The following DMRT1 variants were observed in gnomAD, a reference collection of about 807,000 sequenced individuals.
DMRT1 encodes the protein doublesex and mab-3 related transcription factor 1.
DMRT1 carries 7 observed loss-of-function variants against 32.3 expected under a neutral mutation model. The observed-to-expected ratio is 0.22, with a 90% CI of 0.12 to 0.41. The LOEUF (loss-of-function observed/expected upper bound fraction) is 0.41, where lower values mean the gene tolerates loss of function less well. Among genes scored for constraint, DMRT1 ranks in the 10% least tolerant of loss-of-function variants. DMRT1 has a pLI of 1.00. For missense variants in DMRT1, 625 were observed against 500.5 expected, an observed-to-expected ratio of 1.25 and a Z score of -2.37; for synonymous variants, 278 against 206.1, an observed-to-expected ratio of 1.35 and a Z score of -2.99.
chr9:859,301 G>A (rs545026786), intron 2 of DMRT1, among the ~76,000 whole-genome samples: 1 of 152,258 alleles, frequency 6.6e-6, no homozygotes, highest in Admixed American at 6.5e-5. Flanking sequence ...GGTTTATAGG[G>A]AACGGATGCA....
At chr9:876,869 C>A (rs1373950559) in intron 2 of DMRT1, among the ~76,000 whole-genome samples, 1 of 152,106 alleles carries the variant, frequency 6.6e-6, no homozygotes, top group Non-Finnish European at 1.5e-5. Context: ...GACTCCACGG[C>A]TCCCTTTTCC....
chr9:858,835 T>C (rs1248892514), intron 2 of DMRT1, among the ~76,000 whole-genome samples: 2 of 135,060 alleles, frequency 1.5e-5, no homozygotes, highest in South Asian at 2.6e-4. Context: ...GATCGCGCCA[T>C]TGCACTCCAG....
chr9:931,457 G>A (rs544064954), intron 4 of DMRT1, among the ~76,000 whole-genome samples: 1 of 152,164 alleles, frequency 6.6e-6, no homozygotes, highest in Non-Finnish European at 1.5e-5. Flanking sequence ...TTCCCGTTTT[G>A]TGCTAATACT....
intron 4 of DMRT1, among the ~76,000 whole-genome samples, chr9:917,405 T>A (rs1366963100): frequency 6.6e-6 from 1 of 152,198 alleles, no homozygotes; most frequent in Non-Finnish European, 1.5e-5. Context: ...ATATAATGGC[T>A]TTGAAATAAA....
chr9:916,032 C>CT (rs1818168891), intron 3 of DMRT1, among the ~76,000 whole-genome samples: 1 of 152,166 alleles, frequency 6.6e-6, no homozygotes. Context: ...TGCGTCCAGC[C>CT]TATAGTCATT....
intron 4 of DMRT1, among the ~76,000 whole-genome samples, chr9:929,265 C>G (rs1334862013): frequency 1.3e-5 from 2 of 152,102 alleles, no homozygotes; most frequent in African/African-American, 2.4e-5. Flanking sequence ...AGTACCTTCT[C>G]TAAGCATGTT....
At position 965,241 on chromosome 9, in the gene DMRT1, C is replaced by G. The variant is rs944676846; in HGVS notation, c.968-2744C>G. ...ATACTTAAACAGATACTATCCCTAA[C>G]TTCAACAGCCTATTATTTAAAAACA... On this transcript the variant is annotated intron_variant, in intron 4 of 4. Coordinates refer to ENST00000382276, the MANE Select transcript of DMRT1 (RefSeq NM_021951.3). This position sits in a 1 kb window ranked among gnomAD's most constrained non-coding sequence, Gnocchi z 4.5. Among the ~76,000 whole-genome samples, 3 of 152,216 alleles carry G rather than the reference C, an allele frequency of 2.0e-5. No individual in the cohort carries two copies. Among genetic ancestry groups the G allele is most frequent in the Non-Finnish European group, 2.9e-5 (2 of 68,044 alleles).
intron 2 of DMRT1, among the ~76,000 whole-genome samples, chr9:869,592 A>G (rs974646488): frequency 6.6e-6 from 1 of 152,036 alleles, no homozygotes; most frequent in African/African-American, 2.4e-5. Context: ...AAGGTCTCCT[A>G]TCTCGGTTAC....
intron 4 of DMRT1, among the ~76,000 whole-genome samples, chr9:917,435 C>G (rs556355522): frequency 1.3e-5 from 2 of 152,280 alleles, no homozygotes; most frequent in Non-Finnish European, 2.9e-5. Flanking sequence ...TTTAATGAAT[C>G]AAAGCACTTT....
intron 4 of DMRT1, among the ~76,000 whole-genome samples, chr9:958,329 G>A (rs1386205151): frequency 1.3e-5 from 2 of 152,262 alleles, no homozygotes; most frequent in African/African-American, 2.4e-5. Context: ...GAAATGGCTT[G>A]GGAACTTTCT....
chr9:952,691 C>G (rs146746370), intron 4 of DMRT1, among the ~76,000 whole-genome samples: 17 of 152,266 alleles, frequency 1.1e-4, no homozygotes, highest in African/African-American at 3.9e-4. Flanking sequence ...GACTTCCACT[C>G]TTTTTTTCAA....
intron 2 of DMRT1, among the ~76,000 whole-genome samples, chr9:859,368 G>T (rs1053766903): frequency 6.6e-6 from 1 of 152,108 alleles, no homozygotes; most frequent in African/African-American, 2.4e-5. Context: ...TGATGATCTG[G>T]ACTCTGAGCC....
chr9:862,092 GAC>G (rs1564204280), intron 2 of DMRT1, among the ~76,000 whole-genome samples: 16 of 124,362 alleles, frequency 1.3e-4, no homozygotes, highest in Admixed American at 6.5e-4. Flanking sequence ...TCACTTCCTA[GAC>G]GGGGTGGCGG....
intron 4 of DMRT1, among the ~76,000 whole-genome samples, chr9:929,001 C>T (rs187913569): frequency 6.5e-4 from 99 of 152,110 alleles, no homozygotes; most frequent in African/African-American, 2.1e-3. Context: ...CCAAGCCTGG[C>T]TAATTTTTTG....
chr9:842,241 T>TG (rs1337019098), intron 1 of DMRT1, 49 bp downstream of exon 1: 3 of 1,500,930 alleles, frequency 2.0e-6, no homozygotes, highest in Admixed American at 2.3e-5. Flanking sequence ...TTTTTTTTTT[T>TG]TTTTTTTTTT....
At chr9:891,020 C>T (rs1011118181) in intron 2 of DMRT1, among the ~76,000 whole-genome samples, 6 of 151,848 alleles carry the variant, frequency 4.0e-5, no homozygotes, top group East Asian at 1.9e-4. Context: ...CGTGAGCCAC[C>T]GCGCTCAGCC....
chr9:927,049 G>A (rs1166038370), intron 4 of DMRT1, among the ~76,000 whole-genome samples: 1 of 152,208 alleles, frequency 6.6e-6, no homozygotes, highest in Non-Finnish European at 1.5e-5. Context: ...TCACTCATGA[G>A]ATTTCCTCAT....
At chr9:952,536 C>A (rs924514873) in intron 4 of DMRT1, among the ~76,000 whole-genome samples, 1 of 152,180 alleles carries the variant, frequency 6.6e-6, no homozygotes, top group Non-Finnish European at 1.5e-5. Context: ...AGCATTTTTA[C>A]ATGTAAATTG....
At chr9:880,308 A>T (rs1349286945) in intron 2 of DMRT1, among the ~76,000 whole-genome samples, 1 of 152,054 alleles carries the variant, frequency 6.6e-6, no homozygotes, top group Non-Finnish European at 1.5e-5. Context: ...TGAGGTACAG[A>T]TTTGATCAAG....
Sources: gnomAD v4.1 joint callset for allele counts (sites outside exome capture counted in the v4.1 genomes callset) on GRCh38, gnomAD v4.1.1 for gene constraint, Gnocchi (gnomAD v3.1) non-coding constraint, MANE v1.5 for transcripts, NCBI Gene and HGNC (gene_info 2026-07-23, HGNC 2026-07-21) for gene names.